The following THSD7A variants were observed in gnomAD, a reference collection of about 807,000 sequenced individuals.
The protein encoded by THSD7A is thrombospondin type 1 domain containing 7A.
THSD7A carries 96 observed loss-of-function variants against 231.3 expected under a neutral mutation model. The ratio of observed to expected loss-of-function variants is 0.41; its 90% CI spans 0.35 to 0.49. The LOEUF (loss-of-function observed/expected upper bound fraction) is 0.49. Among genes scored for constraint, THSD7A ranks in the 20% least tolerant of loss-of-function variants. The probability of loss-of-function intolerance (pLI) is 0.05; values close to 1 mark genes in which losing one functional copy is unlikely to be tolerated. For synonymous variants in THSD7A, 940 were observed against 743.3 expected (o/e 1.26, Z -4.30); for missense variants, 2,290 against 2,070.2 (o/e 1.11, Z -2.06).
At chr7:11,506,951 C>T (rs1026140796) in intron 6 of THSD7A, among the ~76,000 whole-genome samples, 2 of 152,068 alleles carry the variant, frequency 1.3e-5, no homozygotes, top group Non-Finnish European at 1.5e-5. Flanking sequence ...TGTTTATTTT[C>T]TGTCTCTTCT....
At chr7:11,541,821 A>G (rs999075813) in intron 5 of THSD7A, among the ~76,000 whole-genome samples, 190 bp from the exon 6 acceptor site, 1 of 152,184 alleles carries the variant, frequency 6.6e-6, no homozygotes, top group Non-Finnish European at 1.5e-5. Context: ...GAGTGAGTGG[A>G]TTAACGAATG....
At chr7:11,581,490 A>G (rs1277769745) in intron 4 of THSD7A, among the ~76,000 whole-genome samples, 1 of 152,068 alleles carries the variant, frequency 6.6e-6, no homozygotes, top group African/African-American at 2.4e-5. Context: ...TGTCTTTTCC[A>G]TTAGCAAACT....
rs1782082279 is a variant in THSD7A at position 11,372,221 on chromosome 7, C to G, written c.*3573G>C. On this transcript the variant is annotated 3_prime_UTR_variant, in exon 28 of 28. Transcript: ENST00000423059. ...ACGTAGGGGAAAATACTAACCCCAT[C>G]TAAAAACAAACCTAGAGTAAAAGTC... 2.6e-5 allele frequency: 4 copies of G among 151,984 alleles called. No homozygotes were observed. In the South Asian group the frequency reaches 8.3e-4, roughly 31 times the overall value. 9.4% of individuals were successfully genotyped at this position (151,984 alleles called of 1,614,324 possible).
At chr7:11,809,798 C>T (rs1416734310) in intron 1 of THSD7A, among the ~76,000 whole-genome samples, 1 of 152,084 alleles carries the variant, frequency 6.6e-6, no homozygotes, top group Non-Finnish European at 1.5e-5. Context: ...CCTGCTAAGG[C>T]CCACAGTTGA....
At chr7:11,688,016 C>A (rs551113376) in intron 1 of THSD7A, among the ~76,000 whole-genome samples, 171 of 150,914 alleles carry the variant, frequency 1.1e-3, no homozygotes, top group African/African-American at 4.0e-3. Flanking sequence ...CCCTGTAACT[C>A]CTCATTTAAC....
rs1288324332 is a variant in THSD7A, at chr7:11,543,077, G to T, written c.1494C>A (p.Ile498=). ...PMDLKLCTGP[I]PNTTQLCHIP... is the part of the protein sequence containing the mutation. ...TGTGGCACAGCTGTGTAGTATTAGG[G>T]ATAGGTCCAGTGCATAATTTTAAGT... is the stretch of plus-strand genomic sequence containing the variant. The change falls in exon 5 of 28, where the codon ATC becomes ATA. Residue 498 remains isoleucine, a synonymous_variant. Coordinates refer to ENST00000423059, the MANE Select transcript of THSD7A (RefSeq NM_015204.3). 6.2e-7 allele frequency: 1 copy of T among 1,613,678 alleles called. No individual in the cohort carries two copies. The highest frequency in any genetic ancestry group is 8.5e-7 in the Non-Finnish European group (1 of 1,179,786).
At chr7:11,563,604 C>T (rs12699233) in intron 4 of THSD7A, among the ~76,000 whole-genome samples, 20,941 of 152,116 alleles carry the variant, frequency 0.14, 1,615 homozygotes, top group East Asian at 0.21. Flanking sequence ...TCAGGTGATC[C>T]GCCCTCCTCA....
At chr7:11,764,631 T>C (rs1042448178) in intron 1 of THSD7A, among the ~76,000 whole-genome samples, 1 of 151,508 alleles carries the variant, frequency 6.6e-6, no homozygotes, top group African/African-American at 2.4e-5. Flanking sequence ...TAGTTTCTCA[T>C]GAAAGCATAA....
chr7:11,623,787 T>C (rs889078624), intron 2 of THSD7A, among the ~76,000 whole-genome samples: 6 of 152,126 alleles, frequency 3.9e-5, no homozygotes, highest in Non-Finnish European at 8.8e-5. Flanking sequence ...CCTCAGTTGT[T>C]AGTATCATGA....
chr7:11,492,182 G>A (rs536887567), intron 6 of THSD7A, among the ~76,000 whole-genome samples: 9 of 152,024 alleles, frequency 5.9e-5, no homozygotes, highest in South Asian at 2.1e-4. Flanking sequence ...CAGAAAAGGT[G>A]CAAAAGACCC....
chr7:11,563,065 A>G (rs143891037), intron 4 of THSD7A, among the ~76,000 whole-genome samples: 106 of 152,326 alleles, frequency 7.0e-4, no homozygotes, highest in African/African-American at 2.3e-3. Flanking sequence ...AAATTAATCA[A>G]ATTCAATGTT....
At chr7:11,388,523 G>A (rs1221685649) in intron 23 of THSD7A, among the ~76,000 whole-genome samples, 1 of 152,164 alleles carries the variant, frequency 6.6e-6, no homozygotes, top group Non-Finnish European at 1.5e-5. Flanking sequence ...ATTTCCGTGG[G>A]ATCACTGGTG....
chr7:11,568,254 G>A (rs1402775206), intron 4 of THSD7A, among the ~76,000 whole-genome samples: 2 of 152,134 alleles, frequency 1.3e-5, no homozygotes, highest in Non-Finnish European at 2.9e-5. Context: ...AGAACCCACA[G>A]CAACGTATGT....
chr7:11,829,495 A>C (rs1316394371), intron 1 of THSD7A, among the ~76,000 whole-genome samples: 3 of 152,118 alleles, frequency 2.0e-5, no homozygotes, highest in Non-Finnish European at 4.4e-5. Flanking sequence ...CCAGATCTTC[A>C]TCCAGTGTAA....
intron 1 of THSD7A, among the ~76,000 whole-genome samples, chr7:11,725,622 T>C (rs1781520570): frequency 6.6e-6 from 1 of 152,032 alleles, no homozygotes; most frequent in Admixed American, 6.6e-5. Context: ...GTTTTTAAAA[T>C]AAACTGTCAT....
chr7:11,631,286 C>CT (rs1781645447), intron 2 of THSD7A, among the ~76,000 whole-genome samples: 1 of 152,026 alleles, frequency 6.6e-6, no homozygotes, highest in Non-Finnish European at 1.5e-5. Context: ...TTCCATTTTC[C>CT]TTTTTTTGTT....
At chr7:11,527,850 G>T (rs1051734448) in intron 6 of THSD7A, among the ~76,000 whole-genome samples, 3 of 152,040 alleles carry the variant, frequency 2.0e-5, no homozygotes, top group African/African-American at 7.2e-5. Context: ...ATGGCTTTAG[G>T]TAAGAATTAA....
rs761841418 is a variant in THSD7A, at chr7:11,546,202, G to GCGCGCACGCACACACACACACACA, written c.1454-3086_1454-3085insTGTGTGTGTGTGTGTGCGTGCGCG. Among the ~76,000 whole-genome samples the GCGCGCACGCACACACACACACACA allele has an allele frequency of 4.6e-5, 6 of 129,450 alleles. No homozygotes were observed. The South Asian group carries it at 1.4e-3, about 30-fold the overall frequency. 84.9% of individuals were successfully genotyped at this position (129,450 alleles called of 152,430 possible). A position where few individuals can be genotyped will look rare whatever the true frequency, so the allele number is the denominator to read the frequency against. ...TCTGTTGTTGCTGGTGTGGGCGCGC[G>GCGCGCACGCACACACACACACACA]CTCACACACACACACACACACACAC... On this transcript the variant is annotated intron_variant, in intron 4 of 27. Coordinates refer to ENST00000423059, the MANE Select transcript of THSD7A (RefSeq NM_015204.3).
At chr7:11,671,125 G>C (rs7341494) in intron 1 of THSD7A, among the ~76,000 whole-genome samples, 1 of 151,892 alleles carries the variant, frequency 6.6e-6, no homozygotes, top group South Asian at 2.1e-4. Context: ...AACATTAATA[G>C]ACCTTCAAGG....
Sources: allele counts gnomAD v4.1 joint callset (sites outside exome capture counted in the v4.1 genomes callset), GRCh38; gene constraint gnomAD v4.1.1; transcripts MANE v1.5; gene names NCBI Gene and HGNC (gene_info 2026-07-23, HGNC 2026-07-21).